The following PIK3R6 variants were observed in gnomAD, a reference collection of about 807,000 sequenced individuals.
PIK3R6 encodes phosphoinositide 3-kinase regulatory subunit 6.
A neutral mutation model predicts 84.9 loss-of-function variants in PIK3R6; 91 were observed. The observed-to-expected ratio is 1.07, with a 90% CI of 0.90 to 1.28. PIK3R6 has a LOEUF of 1.28. Among genes scored for constraint, PIK3R6 ranks in the 50% most tolerant of loss-of-function variants. The probability of loss-of-function intolerance (pLI) is 0.00; values close to 1 mark genes in which losing one functional copy is unlikely to be tolerated. For missense variants in PIK3R6, 996 were observed against 985.1 expected (o/e 1.01, Z -0.15); for synonymous variants, 416 against 411.4 (o/e 1.01, Z -0.13).
intron 1 of PIK3R6, among the ~76,000 whole-genome samples, chr17:8,853,836 G>A (rs541379650): frequency 7.9e-5 from 12 of 151,828 alleles, no homozygotes; most frequent in East Asian, 5.9e-4. Context: ...GGTGGCATGC[G>A]CCTGTAGTCC....
intron 18 of PIK3R6, among the ~76,000 whole-genome samples, chr17:8,816,635 A>G (rs1365696118): frequency 1.3e-5 from 2 of 152,224 alleles, no homozygotes; most frequent in African/African-American, 4.8e-5. Flanking sequence ...ATGGGATGAG[A>G]ATACAAATAG....
chr17:8,835,441 C>G lies in PIK3R6; in HGVS notation c.477G>C (p.Val159=). 3 of 1,568,564 alleles carry G rather than the reference C, an allele frequency of 1.9e-6. No individual in the cohort carries two copies. The highest frequency in any genetic ancestry group is 2.6e-6 in the Non-Finnish European group (3 of 1,148,206). Residue 159 remains valine (V), a synonymous_variant, in exon 8 of 20, where the codon GTG becomes GTC. Transcript: ENST00000619866. ...YPYQERVFLF[V]DPELVSASVC... is the part of the protein sequence containing the mutation. ...CAGACGCAGACACCAGCTCAGGATC[C>G]ACGAAGAGGAACACTCTGAGGGCAG...
chr17:8,847,033 G>A (rs2088830582), intron 2 of PIK3R6, among the ~76,000 whole-genome samples: 1 of 152,174 alleles, frequency 6.6e-6, no homozygotes, highest in Non-Finnish European at 1.5e-5. Context: ...TTAATCCTCT[G>A]ACATTTGGGG....
intron 18 of PIK3R6, 107 bp from the exon 19 acceptor site, chr17:8,804,260 G>A: frequency 1.1e-6 from 1 of 879,584 alleles, no homozygotes; most frequent in South Asian, 1.5e-5. Flanking sequence ...CAGCACATGG[G>A]GTCCCCAGCT....
At chr17:8,858,215 T>G (rs956195154) in intron 1 of PIK3R6, among the ~76,000 whole-genome samples, 1 of 152,000 alleles carries the variant, frequency 6.6e-6, no homozygotes, top group African/African-American at 2.4e-5. Flanking sequence ...CAACATCAAA[T>G]GTGTCTTCGT....
At chr17:8,857,241 G>A (rs111560880) in intron 1 of PIK3R6, among the ~76,000 whole-genome samples, 2 of 152,194 alleles carry the variant, frequency 1.3e-5, no homozygotes, top group African/African-American at 2.4e-5. Flanking sequence ...ACTGCAGCAT[G>A]TCCAGCATCT....
chr17:8,813,512 AGT>A (rs1195941895), intron 18 of PIK3R6, among the ~76,000 whole-genome samples: 6 of 152,216 alleles, frequency 3.9e-5, no homozygotes, highest in Admixed American at 3.9e-4. Flanking sequence ...TCCTCAACAA[AGT>A]ACTAGCAAAC....
chr17:8,812,844 A>G (rs148684125), intron 18 of PIK3R6, among the ~76,000 whole-genome samples: 151 of 152,350 alleles, frequency 9.9e-4, no homozygotes, highest in Non-Finnish European at 1.8e-3. Flanking sequence ...TCAAGGAACT[A>G]GAAAAATAAG....
rs2087104701 is a variant in PIK3R6 at position 8,803,507 on chromosome 17, T to C, written c.2109-78A>G. On this transcript the variant is annotated intron_variant, in intron 19 of 19. Transcript: ENST00000619866. This position sits in a 1 kb window ranked among gnomAD's most constrained non-coding sequence, Gnocchi z 5.0. Reference sequence around the variant, plus strand: ...CTAGGGCATTTGAAAGGCAGAGCTGTTATTGTAGGGCCTAGAGCTGTTATT... The same window carrying C: ...CTAGGGCATTTGAAAGGCAGAGCTGCTATTGTAGGGCCTAGAGCTGTTATT... 7.2e-7 allele frequency: 1 copy of C among 1,396,794 alleles called. No individual in the cohort carries two copies. The highest frequency in any genetic ancestry group is 9.7e-7 in the Non-Finnish European group (1 of 1,027,802). 86.5% of individuals were successfully genotyped at this position (1,396,794 alleles called of 1,614,324 possible).
At chr17:8,835,507 G>A in intron 7 of PIK3R6, 51 bp from the exon 8 acceptor site, 1 of 1,463,606 alleles carries the variant, frequency 6.8e-7, no homozygotes, top group Non-Finnish European at 9.2e-7. Context: ...ACTAATGGGA[G>A]AGGGGCCACC....
chr17:8,816,351 G>T (rs977244377), intron 18 of PIK3R6, among the ~76,000 whole-genome samples: 3 of 152,136 alleles, frequency 2.0e-5, no homozygotes, highest in Admixed American at 6.5e-5. Flanking sequence ...AGAGAGCATT[G>T]TCCATAGTTT....
intron 18 of PIK3R6, among the ~76,000 whole-genome samples, chr17:8,815,455 G>A (rs999587771): frequency 4.7e-5 from 7 of 148,396 alleles, no homozygotes; most frequent in South Asian, 2.1e-4. Context: ...GCAGTGAGCC[G>A]AGATCTCACC....
Position 8,835,429 on chromosome 17 carries a change from C to T in PIK3R6, c.489G>A (p.Leu163=). The T allele has an allele frequency of 6.3e-7, 1 of 1,586,628 alleles. No homozygotes were observed. Among genetic ancestry groups the T allele is most frequent in the Non-Finnish European group, 8.6e-7 (1 of 1,159,838 alleles). The change falls in exon 8 of 20, where the codon CTG becomes CTA. Residue 163 remains leucine (L), a synonymous_variant. Coordinates refer to ENST00000619866, the MANE Select transcript of PIK3R6 (RefSeq NM_001010855.4). ...ERVFLFVDPE[L]VSASVCSALL... The stretch of plus-strand genomic sequence containing the variant: ...GAGCACTGCACACAGACGCAGACAC[C>T]AGCTCAGGATCCACGAAGAGGAACA...
At chr17:8,841,773 T>G (rs993423382) in intron 2 of PIK3R6, among the ~76,000 whole-genome samples, 1 of 152,020 alleles carries the variant, frequency 6.6e-6, no homozygotes, top group Non-Finnish European at 1.5e-5. Flanking sequence ...GCTGTGAGAA[T>G]GTACCTCGCT....
chr17:8,834,188 G>T (rs1049108093), intron 8 of PIK3R6, among the ~76,000 whole-genome samples: 1 of 150,244 alleles, frequency 6.7e-6, no homozygotes, highest in Non-Finnish European at 1.5e-5. Context: ...AGAGTGAGTC[G>T]TGCAGGTATC....
At chr17:8,823,784 A>T (rs1711540515) in intron 13 of PIK3R6, among the ~76,000 whole-genome samples, 1 of 152,188 alleles carries the variant, frequency 6.6e-6, no homozygotes, top group Non-Finnish European at 1.5e-5. Flanking sequence ...GGGAGACAAG[A>T]TGCTGGAGAG....
chr17:8,827,202 C>T lies in PIK3R6; in HGVS notation c.1485G>A (p.Leu495=). 1.2e-6 allele frequency: 2 copies of T among 1,612,104 alleles called. No individual in the cohort carries two copies. The highest frequency in any genetic ancestry group is 8.5e-7 in the Non-Finnish European group (1 of 1,179,224). Residue 495 remains leucine (L), a synonymous_variant, in exon 13 of 20, where the codon CTG becomes CTA. Transcript: ENST00000619866. The part of the protein sequence containing the change: ...DPWYQSNVNT[L]CPAIHKLAEM... ...CAGCCAGCTTGTGGATGGCGGGGCA[C>T]AGCGTGTTGACGTTGCTCTGGTACC... is the stretch of plus-strand genomic sequence containing the variant.
intron 17 of PIK3R6, among the ~76,000 whole-genome samples, chr17:8,819,427 GC>G (rs1373985430): frequency 1.3e-5 from 2 of 151,792 alleles, no homozygotes; most frequent in African/African-American, 4.8e-5. Flanking sequence ...CAGGTCAGCG[GC>G]CATCACCAAC....
chr17:8,829,236 G>A (rs2088085253), intron 10 of PIK3R6, among the ~76,000 whole-genome samples: 1 of 149,768 alleles, frequency 6.7e-6, no homozygotes. Flanking sequence ...GAGACACACT[G>A]AAACACATGC....
Sources: gnomAD v4.1 joint callset for allele counts (sites outside exome capture counted in the v4.1 genomes callset) on GRCh38, gnomAD v4.1.1 for gene constraint, Gnocchi (gnomAD v3.1) non-coding constraint, MANE v1.5 for transcripts, NCBI Gene and HGNC (gene_info 2026-07-23, HGNC 2026-07-21) for gene names.